Variants in CCDC73 observed in about 807,000 individuals in gnomAD.
CCDC73 encodes the protein coiled-coil domain-containing protein 73.
In CCDC73, 95 loss-of-function variants were observed where a neutral mutation model predicts 116.5. The ratio of observed to expected loss-of-function variants is 0.82; its 90% CI spans 0.69 to 0.97. CCDC73 has a LOEUF of 0.97. Ranked by LOEUF, CCDC73 falls within the 50% of genes least tolerant of loss-of-function variation. The probability of loss-of-function intolerance (pLI) is 0.00; values close to 1 mark genes in which losing one functional copy is unlikely to be tolerated. For synonymous variants in CCDC73, 398 were observed against 401.3 expected (o/e 0.99, Z 0.10); for missense variants, 1,066 against 1,206.8 (o/e 0.88, Z 1.73).
chr11:32,809,419 GGA>G, the CCDC73 span, among the ~76,000 whole-genome samples: 1 of 152,192 alleles, frequency 6.6e-6, no homozygotes, highest in African/African-American at 2.4e-5. Flanking sequence ...GCTAGGGGGC[GGA>G]GAGGGGTCAC....
intron 6 of CCDC73, among the ~76,000 whole-genome samples, chr11:32,684,239 G>C (rs1856173852): frequency 6.6e-6 from 1 of 151,954 alleles, no homozygotes; most frequent in East Asian, 1.9e-4. Flanking sequence ...TTTTTCTAGA[G>C]ACAGGGTCCC....
the CCDC73 span, among the ~76,000 whole-genome samples, chr11:32,803,640 A>G: frequency 1.3e-5 from 2 of 152,244 alleles, no homozygotes; most frequent in East Asian, 1.9e-4. Flanking sequence ...AATAGTATGC[A>G]TTAATCAATT....
intron 3 of CCDC73, among the ~76,000 whole-genome samples, chr11:32,710,002 T>C (rs1440538566): frequency 2.0e-5 from 3 of 152,242 alleles, no homozygotes; most frequent in African/African-American, 4.8e-5. Context: ...AAGGTGTTCA[T>C]AGCAGCCTTG....
chr11:32,699,164 C>T, intron 6 of CCDC73, 87 bp downstream of exon 6: 1 of 1,366,344 alleles, frequency 7.3e-7, no homozygotes, highest in East Asian at 3.0e-5. Flanking sequence ...GTCAGCTTTG[C>T]TTTGTAGCTT....
intron 1 of CCDC73, among the ~76,000 whole-genome samples, chr11:32,762,996 C>T (rs1015934764): frequency 1.6e-4 from 25 of 152,220 alleles, no homozygotes; most frequent in Admixed American, 7.9e-4. Flanking sequence ...GAGCCTCGCT[C>T]ATTTCTAGCA....
chr11:32,693,417 G>A (rs1856278606), intron 6 of CCDC73, among the ~76,000 whole-genome samples: 1 of 152,146 alleles, frequency 6.6e-6, no homozygotes, highest in Admixed American at 6.6e-5. Flanking sequence ...CAGACCATGA[G>A]GTATCCTATA....
rs190672119 is a variant in CCDC73 at position 32,732,369 on chromosome 11, C to T, written c.136-14222G>A. 2.7e-3 allele frequency among the ~76,000 whole-genome samples: 417 copies of T among 152,202 alleles called. 2 individuals carry two copies. Among genetic ancestry groups the T allele is most frequent in the Non-Finnish European group, 4.2e-3 (288 of 68,016 alleles). ...TCAGGATATTATCCAGGAGAACTTC[C>T]CCAACCTACCAAGGCAGGCCAACAT... is the stretch of plus-strand genomic sequence containing the variant. On this transcript the variant is annotated intron_variant, in intron 2 of 17. Coordinates refer to ENST00000335185, the MANE Select transcript of CCDC73 (RefSeq NM_001008391.4).
rs1424383916 is a variant in CCDC73, at chr11:32,755,534, AAAATATAT to A, written c.135+4567_135+4574del. Among the ~76,000 whole-genome samples, 3 of 52,044 alleles carry A rather than the reference AAAATATAT, an allele frequency of 5.8e-5. 1 individual carries two copies. Among genetic ancestry groups the A allele is most frequent in the African/African-American group, 2.3e-4 (3 of 12,962 alleles). 34.1% of individuals were successfully genotyped at this position (52,044 alleles called of 152,430 possible). A position where few individuals can be genotyped will look rare whatever the true frequency, so the allele number is the denominator to read the frequency against. On this transcript the variant is annotated intron_variant, in intron 2 of 17. Transcript: ENST00000335185. Reference sequence around the variant, plus strand: ...GGGTGACAAAGCAAGACTCCATCTCAAAATATATATATATATATATATATATATGTACA... The same window carrying A: ...GGGTGACAAAGCAAGACTCCATCTCAATATATATATATATATATATGTACA...
At chr11:32,731,221 G>C (rs1037357062) in intron 2 of CCDC73, among the ~76,000 whole-genome samples, 1 of 152,160 alleles carries the variant, frequency 6.6e-6, no homozygotes, top group Admixed American at 6.5e-5. Context: ...CAGCGAGGCT[G>C]GGGGAGAGGC....
At position 32,616,080 on chromosome 11, in the gene CCDC73, G is replaced by T; in HGVS notation, c.1235C>A (p.Ser412Ter). 1 of 1,583,218 alleles carries T rather than the reference G, an allele frequency of 6.3e-7. No individual in the cohort carries two copies. The highest frequency in any genetic ancestry group is 8.6e-7 in the Non-Finnish European group (1 of 1,169,336). The change falls in exon 15 of 18, where the codon TCA becomes TAA. Residue 412 changes from serine to a stop codon, truncating the protein, a stop_gained. Coordinates refer to ENST00000335185, the MANE Select transcript of CCDC73 (RefSeq NM_001008391.4). LOFTEE classifies it high-confidence loss of function. ...NENSEMSTEKSENTIIQKYNT... is the reference protein window; with the variant it reads ...NENSEMSTEK ...ATATTTCTGTATAATGGTGTTTTCT[G>T]ATTTTTCAGTTGACATTTCACTGTT...
chr11:32,658,701 C>CTAT (rs1855895491), intron 9 of CCDC73, among the ~76,000 whole-genome samples: 1 of 151,888 alleles, frequency 6.6e-6, no homozygotes, highest in Non-Finnish European at 1.5e-5. Flanking sequence ...GGCTAAGAGG[C>CTAT]TATTATATTA....
intron 2 of CCDC73, among the ~76,000 whole-genome samples, chr11:32,742,663 G>A (rs1262868132): frequency 1.3e-5 from 2 of 152,170 alleles, no homozygotes; most frequent in Admixed American, 1.3e-4. Flanking sequence ...AGTTTAATTA[G>A]ATCCCATTTG....
At chr11:32,723,409 TTCAGACCAAGAAACTA>T (rs1253591481) in intron 2 of CCDC73, among the ~76,000 whole-genome samples, 2 of 152,198 alleles carry the variant, frequency 1.3e-5, no homozygotes, top group Admixed American at 1.3e-4. Context: ...TTGAGTACTT[TTCAGACCAAGAAACTA>T]TCTGGAAGAG....
intron 1 of CCDC73, among the ~76,000 whole-genome samples, chr11:32,793,696 C>T (rs1267732598): frequency 1.3e-5 from 2 of 151,932 alleles, no homozygotes; most frequent in Non-Finnish European, 2.9e-5. Context: ...CTGCAACCTC[C>T]GCCTCCCGGG....
intron 3 of CCDC73, among the ~76,000 whole-genome samples, chr11:32,716,961 C>T (rs1458483456): frequency 6.6e-6 from 1 of 152,160 alleles, no homozygotes; most frequent in Non-Finnish European, 1.5e-5. Context: ...TTAAAATCTG[C>T]TTGAAATTAG....
chr11:32,675,764 A>G (rs1565073478), intron 8 of CCDC73, 120 bp from the exon 9 acceptor site: 1 of 1,177,932 alleles, frequency 8.5e-7, no homozygotes, highest in Non-Finnish European at 1.2e-6. Context: ...AATTTAGGTA[A>G]CAGTTATTAA....
At chr11:32,731,785 T>C (rs1850080867) in intron 2 of CCDC73, among the ~76,000 whole-genome samples, 1 of 151,980 alleles carries the variant, frequency 6.6e-6, no homozygotes, top group Admixed American at 6.6e-5. Flanking sequence ...AGACCAAAGG[T>C]AGATAAAACC....
At chr11:32,735,372 A>G (rs916758593) in intron 2 of CCDC73, among the ~76,000 whole-genome samples, 1 of 152,216 alleles carries the variant, frequency 6.6e-6, no homozygotes, top group African/African-American at 2.4e-5. Flanking sequence ...CTTATACACC[A>G]ATAACAAACA....
chr11:32,613,823 A>T lies in CCDC73; in HGVS notation c.2495T>A (p.Ile832Asn). The T allele has an allele frequency of 6.2e-7, 1 of 1,613,712 alleles. No individual in the cohort carries two copies. The highest frequency in any genetic ancestry group is 8.5e-7 in the Non-Finnish European group (1 of 1,179,928). The change falls in exon 16 of 18, where the codon ATT (isoleucine) becomes AAT (asparagine). Residue 832 changes from isoleucine (I) to asparagine (N), a missense_variant. Transcript: ENST00000335185. Reference sequence around the variant, plus strand: ...TAACAATGTATGCTGTCTTTCATTAATGCTCACAAAAAGGAAGAGGTCATT... The same window carrying T: ...TAACAATGTATGCTGTCTTTCATTATTGCTCACAAAAAGGAAGAGGTCATT... Reference protein sequence around the residue: ...TKNDLFLFVSINERQHTLLNN... With the variant: ...TKNDLFLFVSNNERQHTLLNN...
Sources: gnomAD v4.1 joint callset for allele counts (sites outside exome capture counted in the v4.1 genomes callset) on GRCh38, gnomAD v4.1.1 for gene constraint, MANE v1.5 for transcripts, NCBI Gene and HGNC (gene_info 2026-07-23, HGNC 2026-07-21) for gene names.